The following RYR2 variants were observed in gnomAD, a reference collection of about 807,000 sequenced individuals.
RYR2 encodes the protein cardiac muscle ryanodine receptor-calcium release channel.
In RYR2, 227 loss-of-function variants were observed where a neutral mutation model predicts 601.1. The observed-to-expected ratio is 0.38, with a 90% CI of 0.34 to 0.42. The LOEUF is 0.42. Ranked by LOEUF, RYR2 falls within the 10% of genes least tolerant of loss-of-function variation. The pLI is 1.00. For synonymous variants in RYR2, 2,223 were observed against 2,175.1 expected, an observed-to-expected ratio of 1.02 and a Z score of -0.61; for missense variants, 4,646 against 6,156.5, an observed-to-expected ratio of 0.75 and a Z score of 8.21.
intron 16 of RYR2, 29 bp from the exon 17 acceptor site, chr1:237,469,063 A>T (rs777646092): frequency 1.9e-6 from 3 of 1,586,510 alleles, no homozygotes; most frequent in Non-Finnish European, 2.6e-6. Flanking sequence ...AAAATCACAT[A>T]AAGGTGAAAT....
chr1:237,188,904 A>G (rs1367444458), intron 1 of RYR2, among the ~76,000 whole-genome samples: 1 of 152,216 alleles, frequency 6.6e-6, no homozygotes, highest in Non-Finnish European at 1.5e-5. Flanking sequence ...AACATAAAAC[A>G]TTAAATTTCC....
rs761155489 is a variant in RYR2, at chr1:237,778,660, C to T, written c.11776-6C>T. 3.3e-6 allele frequency: 5 copies of T among 1,523,518 alleles called. No homozygotes were observed. The African/African-American group carries it at 5.5e-5, about 17-fold the overall frequency. 94.4% of individuals were successfully genotyped at this position (1,523,518 alleles called of 1,614,324 possible). ...AATAATTGCCGTTTGTCTGTTTATGCTCCAGGGTCCTTGCACTGGGAATCA... is the reference window on the plus strand; with the variant it reads ...AATAATTGCCGTTTGTCTGTTTATGTTCCAGGGTCCTTGCACTGGGAATCA... On this transcript the variant is annotated splice_polypyrimidine_tract_variant and splice_region_variant and intron_variant, in intron 87 of 104. Transcript: ENST00000366574.
At chr1:237,317,171 T>C (rs1695195896) in intron 2 of RYR2, among the ~76,000 whole-genome samples, 1 of 152,090 alleles carries the variant, frequency 6.6e-6, no homozygotes, top group African/African-American at 2.4e-5. Context: ...AAAGAAACAG[T>C]GTATATATAG....
intron 33 of RYR2, 49 bp from the exon 34 acceptor site, chr1:237,595,449 T>G: frequency 1.3e-6 from 2 of 1,590,638 alleles, no homozygotes; most frequent in Non-Finnish European, 8.5e-7. Flanking sequence ...ACCTGCTTTC[T>G]CTTTTATCTG....
At chr1:237,559,006 T>C (rs1671187598) in intron 27 of RYR2, among the ~76,000 whole-genome samples, 1 of 151,774 alleles carries the variant, frequency 6.6e-6, no homozygotes, top group African/African-American at 2.4e-5. Flanking sequence ...ACTTTTTTTT[T>C]TTTTTGAGAT....
At chr1:237,668,015 TATGG>T (rs1684474086) in intron 58 of RYR2, 57 bp downstream of exon 58, 1 of 1,358,662 alleles carries the variant, frequency 7.4e-7, no homozygotes. Flanking sequence ...TCCATGAGTG[TATGG>T]ATGAAGTCGT....
In RYR2 at chr1:237,344,380, T is replaced by A. The variant is rs941986639; in HGVS notation, c.274-11585T>A. On this transcript the variant is annotated intron_variant, in intron 3 of 104. Coordinates refer to ENST00000366574, the MANE Select transcript of RYR2 (RefSeq NM_001035.3). Reference sequence around the variant, plus strand: ...CAAAGGAATCTAAAACTGTAACCTTTCTTTATTTCTGGCTCCAATTAGTTC... The same window carrying A: ...CAAAGGAATCTAAAACTGTAACCTTACTTTATTTCTGGCTCCAATTAGTTC... 7.9e-5 allele frequency among the ~76,000 whole-genome samples: 12 copies of A among 152,334 alleles called. No homozygotes were observed. The East Asian group carries it at 2.3e-3, about 29-fold the overall frequency.
intron 1 of RYR2, among the ~76,000 whole-genome samples, chr1:237,164,330 G>A (rs74948253): frequency 8.5e-5 from 13 of 152,322 alleles, no homozygotes; most frequent in African/African-American, 3.1e-4. Context: ...ACATCAGAAT[G>A]CTGATTTGTT....
intron 48 of RYR2, among the ~76,000 whole-genome samples, chr1:237,646,937 A>G (rs1438267050): frequency 6.6e-6 from 1 of 152,212 alleles, no homozygotes; most frequent in Non-Finnish European, 1.5e-5. Context: ...AGTTACAGGC[A>G]GATGCATTTG....
chr1:237,609,510 C>A (rs563764165), intron 35 of RYR2, among the ~76,000 whole-genome samples: 1 of 152,114 alleles, frequency 6.6e-6, no homozygotes, highest in South Asian at 2.1e-4. Context: ...TTTGGGACTA[C>A]AGGAACATGC....
chr1:237,162,638 G>A (rs984101676), intron 1 of RYR2, among the ~76,000 whole-genome samples: 3 of 152,056 alleles, frequency 2.0e-5, no homozygotes. Flanking sequence ...ATGATTATAG[G>A]AGATCAGAAT....
chr1:237,398,059 G>T (rs187526655), intron 10 of RYR2, among the ~76,000 whole-genome samples: 104 of 152,228 alleles, frequency 6.8e-4, no homozygotes, highest in African/African-American at 2.3e-3. Context: ...AGTCTGTTCT[G>T]TCAGTCTTCT....
chr1:237,337,525 A>G (rs1697359152), intron 3 of RYR2, among the ~76,000 whole-genome samples: 1 of 152,212 alleles, frequency 6.6e-6, no homozygotes, highest in Admixed American at 6.5e-5. Context: ...ATTTCCTGGT[A>G]ACATAAGTGA....
chr1:237,091,583 C>A (rs116580341), intron 1 of RYR2, among the ~76,000 whole-genome samples: 7,925 of 152,070 alleles, frequency 0.052, 298 homozygotes, highest in East Asian at 0.11. Flanking sequence ...CGGTGCCACA[C>A]CTGGCTAATT....
intron 12 of RYR2, among the ~76,000 whole-genome samples, chr1:237,425,617 G>C (rs1408211370): frequency 2.0e-5 from 3 of 151,600 alleles, no homozygotes; most frequent in African/African-American, 7.3e-5. Context: ...CTGGGCGATA[G>C]AGCAAGACTC....
Position 237,730,298 on chromosome 1 carries a change from A to C in RYR2, c.10877A>C (p.Lys3626Thr). The change falls in exon 77 of 105, where the codon AAG (lysine) becomes ACG (threonine). Residue 3626 changes from lysine (K) to threonine (T), a missense_variant. Lys to Thr is a moderately conservative substitution (Grantham distance 78). This residue lies in a region of RYR2 where 1,497 missense variants were observed against 1,842.6 expected (regional missense o/e 0.81). Transcript: ENST00000366574. ...AATCTCTTTCTTCAGGGATATGAAAAGTCTTGGATTGAAACAGAAGAACAT... is the reference window on the plus strand; with the variant it reads ...AATCTCTTTCTTCAGGGATATGAAACGTCTTGGATTGAAACAGAAGAACAT... Reference protein sequence around the residue: ...AVNLFLQGYEKSWIETEEHYF... With the variant: ...AVNLFLQGYETSWIETEEHYF... 2.5e-6 allele frequency: 4 copies of C among 1,609,546 alleles called. No homozygotes were observed. The highest frequency in any genetic ancestry group is 2.6e-6 in the Non-Finnish European group (3 of 1,176,082).
intron 93 of RYR2, chr1:237,791,805 G>A: frequency 1.8e-6 from 1 of 556,736 alleles, no homozygotes; most frequent in Admixed American, 3.2e-5. Context: ...CCTGGGTGTG[G>A]CATACCGTAT....
chr1:237,227,285 G>A (rs1684474016), intron 1 of RYR2, among the ~76,000 whole-genome samples: 1 of 152,106 alleles, frequency 6.6e-6, no homozygotes, highest in African/African-American at 2.4e-5. Context: ...TTATGACTAT[G>A]CTAATTAGCT....
At chr1:237,469,046 G>T in intron 16 of RYR2, 46 bp from the exon 17 acceptor site, 1 of 1,504,864 alleles carries the variant, frequency 6.6e-7, no homozygotes, top group South Asian at 1.1e-5. Flanking sequence ...CTCAATTTTC[G>T]AGCTAGAAAA....
Sources: gnomAD v4.1 joint callset for allele counts (sites outside exome capture counted in the v4.1 genomes callset) on GRCh38, gnomAD v4.1.1 for gene constraint, gnomAD v4.1.1 regional missense constraint, MANE v1.5 for transcripts, NCBI Gene and HGNC (gene_info 2026-07-23, HGNC 2026-07-21) for gene names.